The following CFAP46 variants were observed in gnomAD, a reference collection of about 807,000 sequenced individuals.
CFAP46 encodes the protein cilia and flagella associated protein 46, also known as cilia- and flagella-associated protein 46.
A neutral mutation model predicts 325.7 loss-of-function variants in CFAP46; 245 were observed. That is an observed-to-expected ratio of 0.75 (90% CI 0.68 to 0.84). CFAP46 has a LOEUF of 0.84. Among genes scored for constraint, CFAP46 ranks in the 40% least tolerant of loss-of-function variants. The pLI, the probability that CFAP46 is intolerant of heterozygous loss-of-function variation, is 0.00. For missense variants in CFAP46, 3,346 were observed against 3,543.0 expected (o/e 0.94, Z 1.41); for synonymous variants, 1,523 against 1,495.9 (o/e 1.02, Z -0.42).
intron 33 of CFAP46, 76 bp from the exon 34 acceptor site, chr10:132,867,583 C>G: frequency 1.3e-6 from 2 of 1,500,692 alleles, no homozygotes; most frequent in African/African-American, 2.8e-5. Flanking sequence ...ACCAAAGAAA[C>G]GCAAACGAAA....
In CFAP46 at chr10:132,885,103, C is replaced by T. The variant is rs1242166795; in HGVS notation, c.3627G>A (p.Gln1209=). 1.3e-6 allele frequency: 2 copies of T among 1,543,870 alleles called. No homozygotes were observed. Among genetic ancestry groups the T allele is most frequent in the Admixed American group, 2.0e-5 (1 of 50,402 alleles). Residue 1209 remains glutamine, a splice_region_variant and synonymous_variant, in exon 27 of 58, where the codon CAG becomes CAA. Coordinates refer to ENST00000368586, the MANE Select transcript of CFAP46 (RefSeq NM_001200049.3). ...TGCACCCACGCTTACGGCTTCACAC[C>T]TGCAAGGCCTGGATGGCGTTGTTGT... The part of the protein sequence containing the change: ...ACYNNAIQAL[Q]KPEMEWQKVE...
chr10:132,838,135 G>T (rs1214487678), intron 44 of CFAP46, among the ~76,000 whole-genome samples: 2 of 152,208 alleles, frequency 1.3e-5, no homozygotes, highest in African/African-American at 4.8e-5. Flanking sequence ...CCGCTCCCGT[G>T]GACTATGAGT....
intron 39 of CFAP46, among the ~76,000 whole-genome samples, chr10:132,852,111 C>T (rs2135152644): frequency 7.0e-6 from 1 of 142,630 alleles, no homozygotes; most frequent in Non-Finnish European, 1.5e-5. Flanking sequence ...TGGTATGTTC[C>T]TCCATTTACT....
intron 50 of CFAP46, among the ~76,000 whole-genome samples, chr10:132,822,048 T>TGA: frequency 7.1e-6 from 1 of 141,710 alleles, no homozygotes; most frequent in Non-Finnish European, 1.5e-5. Flanking sequence ...TGTGCTGATG[T>TGA]GTGCTGTGTG....
chr10:132,810,624 G>A (rs1205671813), intron 56 of CFAP46, 135 bp from the exon 57 acceptor site: 1 of 818,654 alleles, frequency 1.2e-6, no homozygotes, highest in Non-Finnish European at 2.1e-6. Context: ...TTGTCCTGCA[G>A]CAGCGTCGGC....
At chr10:132,928,576 C>T (rs569468843) in intron 9 of CFAP46, among the ~76,000 whole-genome samples, 5 of 152,338 alleles carry the variant, frequency 3.3e-5, no homozygotes, top group African/African-American at 9.6e-5. Flanking sequence ...CCGTGCTGAG[C>T]CATGGCCGTG....
At chr10:132,841,550 C>T (rs1189467547) in intron 44 of CFAP46, among the ~76,000 whole-genome samples, 1 of 152,212 alleles carries the variant, frequency 6.6e-6, no homozygotes, top group Non-Finnish European at 1.5e-5. Context: ...CGTGGCTTTG[C>T]TCTGCTGGGG....
intron 46 of CFAP46, 117 bp from the exon 47 acceptor site, chr10:132,835,551 G>T: frequency 7.6e-7 from 1 of 1,323,480 alleles, no homozygotes; most frequent in Non-Finnish European, 1.0e-6. Context: ...TGCATGGATG[G>T]AAGTCCCTTC....
chr10:132,857,509 G>A, intron 39 of CFAP46, 81 bp downstream of exon 39: 1 of 1,398,336 alleles, frequency 7.2e-7, no homozygotes, highest in Non-Finnish European at 9.8e-7. Context: ...GAAGTCAGCT[G>A]GCTTGTAAGG....
intron 10 of CFAP46, among the ~76,000 whole-genome samples, chr10:132,925,866 G>A (rs1379975366): frequency 2.0e-5 from 3 of 152,308 alleles, no homozygotes; most frequent in Middle Eastern, 3.4e-3. Context: ...TGACCCGCAC[G>A]CCCCTGGCTC....
chr10:132,834,715 G>A lies in CFAP46; in HGVS notation c.6805C>T (p.Leu2269=), dbSNP rs753267071. ...ERPVQRLSSV[L]GPLEELLQPL... is the part of the protein sequence containing the mutation. ...TGCAGAAGCTCCTCCAGGGGCCCCA[G>A]GACGCTACTGAGCCTCTGCACAGGG... Residue 2269 remains leucine (L), a synonymous_variant, in exon 48 of 58, where the codon CTG becomes TTG. Coordinates refer to ENST00000368586, the MANE Select transcript of CFAP46 (RefSeq NM_001200049.3). The A allele has an allele frequency of 1.2e-6, 2 of 1,613,064 alleles. No individual in the cohort carries two copies. Among genetic ancestry groups the A allele is most frequent in the Non-Finnish European group, 1.7e-6 (2 of 1,179,904 alleles).
At chr10:132,814,820 C>G (rs1414036478) in intron 51 of CFAP46, 24 bp downstream of exon 51, 1 of 1,614,062 alleles carries the variant, frequency 6.2e-7, no homozygotes, top group South Asian at 1.1e-5. Context: ...CCAGCCCGAT[C>G]CCCTATCACA....
intron 38 of CFAP46, 93 bp from the exon 39 acceptor site, chr10:132,857,881 A>G: frequency 9.0e-7 from 1 of 1,109,536 alleles, no homozygotes; most frequent in Non-Finnish European, 1.3e-6. Context: ...ATATTTTATT[A>G]GTGCTTAAAA....
chr10:132,905,205 C>T (rs1331568125), intron 22 of CFAP46, among the ~76,000 whole-genome samples: 2 of 152,204 alleles, frequency 1.3e-5, no homozygotes, highest in Non-Finnish European at 2.9e-5. Flanking sequence ...TATCAGTGAA[C>T]ACCATGTTTC....
chr10:132,904,379 G>A (rs550466510), intron 22 of CFAP46, among the ~76,000 whole-genome samples: 6 of 131,888 alleles, frequency 4.5e-5, no homozygotes, highest in East Asian at 2.3e-4. Flanking sequence ...CCAACACTGC[G>A]CCCAGGGCAG....
rs12268535 is a variant in CFAP46, at chr10:132,817,870, C to T, written c.7118-2956G>A. Among the ~76,000 whole-genome samples the T allele has an allele frequency of 0.016, 2,382 of 152,332 alleles. 56 individuals are homozygous for T. The highest frequency in any genetic ancestry group is 0.053 in the African/African-American group (2,196 of 41,558). On this transcript the variant is annotated intron_variant, in intron 50 of 57. Transcript: ENST00000368586. This position sits in a 1 kb window ranked among gnomAD's most constrained non-coding sequence, Gnocchi z 4.4. ...AATGGGGTCACTGGGTCACAGTGAA[C>T]GGCGTCGGCCGCGCTCTGCCTGGAG... is the stretch of plus-strand genomic sequence containing the variant.
chr10:132,851,006 G>T (rs1045207333), intron 40 of CFAP46, 111 bp downstream of exon 40: 2 of 1,323,998 alleles, frequency 1.5e-6, no homozygotes, highest in Non-Finnish European at 1.1e-6. Flanking sequence ...CAGCTGACCC[G>T]CACCGCCAGG....
intron 17 of CFAP46, among the ~76,000 whole-genome samples, chr10:132,915,410 CA>C (rs1849621470): frequency 6.6e-6 from 1 of 152,280 alleles, no homozygotes; most frequent in Non-Finnish European, 1.5e-5. Flanking sequence ...GAGGCCAAGA[CA>C]AAGGCCACCT....
In CFAP46 at chr10:132,922,127, A is replaced by G; in HGVS notation, c.1583T>C (p.Leu528Pro). 1 of 1,550,382 alleles carries G rather than the reference A, an allele frequency of 6.5e-7. No homozygotes were observed. The highest frequency in any genetic ancestry group is 1.2e-5 in the South Asian group (1 of 84,066). ...ALAPDAFQIV[L>P]DSENEAKVST... ...ACCTTTGGCCTCATTCTCACTGTCC[A>G]GCACAATCTGAAACGCGTCAGGGGC... Residue 528 changes from leucine (L) to proline (P), a missense_variant, in exon 13 of 58, where the codon CTG (leucine) becomes CCG (proline). Leu to Pro is a moderately conservative substitution (Grantham distance 98, BLOSUM62 -3). Transcript: ENST00000368586.
Sources: gnomAD v4.1 joint callset for allele counts (sites outside exome capture counted in the v4.1 genomes callset) on GRCh38, gnomAD v4.1.1 for gene constraint, Gnocchi (gnomAD v3.1) non-coding constraint, MANE v1.5 for transcripts, NCBI Gene and HGNC (gene_info 2026-07-23, HGNC 2026-07-21) for gene names.